Variants in MRE11 observed in about 807,000 individuals in gnomAD.
The protein encoded by MRE11 is double-strand break repair protein MRE11.
A neutral mutation model predicts 91.7 loss-of-function variants in MRE11; 62 were observed. That is an observed-to-expected ratio of 0.68 (90% CI 0.55 to 0.84). MRE11 has a LOEUF of 0.84. Among genes scored for constraint, MRE11 ranks in the 40% least tolerant of loss-of-function variants. MRE11 has a pLI of 0.00. For synonymous variants in MRE11, 273 were observed against 271.4 expected (o/e 1.01, Z -0.06); for missense variants, 796 against 852.9 (o/e 0.93, Z 0.83).
the MRE11 span, among the ~76,000 whole-genome samples, chr11:94,507,688 T>G: frequency 6.6e-6 from 1 of 152,192 alleles, no homozygotes; most frequent in Non-Finnish European, 1.5e-5. Flanking sequence ...CTAGTGGGCA[T>G]GTAGTAATAG....
chr11:94,418,496 T>G lies in MRE11; in HGVS notation c.*1629A>C, dbSNP rs1314342313. 4.3e-6 allele frequency: 1 copy of G among 232,366 alleles called. No homozygotes were observed. The highest frequency in any genetic ancestry group is 2.2e-5 in the African/African-American group (1 of 45,266). The allele number at this position is 232,366 out of a possible 1,614,324, so 14.4% of individuals were successfully genotyped here. Reference sequence around the variant, plus strand: ...CACCCAGACCCACCTAACTGATGCATGAGAAGAGCCACTAGCTGATGTGGC... The same window carrying G: ...CACCCAGACCCACCTAACTGATGCAGGAGAAGAGCCACTAGCTGATGTGGC... On this transcript the variant is annotated 3_prime_UTR_variant, in exon 20 of 20. Transcript: ENST00000323929.
At chr11:94,445,698 T>C in intron 16 of MRE11, 112 bp downstream of exon 16, 1 of 811,982 alleles carries the variant, frequency 1.2e-6, no homozygotes, top group Non-Finnish European at 2.2e-6. Flanking sequence ...GTGATCCTAA[T>C]TGCCCTTATA....
intron 1 of MRE11, among the ~76,000 whole-genome samples, chr11:94,493,206 G>A (rs1485188084): frequency 6.6e-6 from 1 of 152,118 alleles, no homozygotes; most frequent in East Asian, 1.9e-4. Context: ...GTCACATACG[G>A]TTCTGGTTCA....
intron 2 of MRE11, 92 bp downstream of exon 2, chr11:94,492,690 T>C (rs771997999): frequency 5.2e-6 from 8 of 1,541,384 alleles, no homozygotes; most frequent in South Asian, 3.4e-5. Flanking sequence ...CCTTATTTAC[T>C]GCTTATTAAA....
At chr11:94,472,859 T>A (rs965760979) in intron 7 of MRE11, 5 of 152,058 alleles carry the variant, frequency 3.3e-5, no homozygotes, top group African/African-American at 1.2e-4. Context: ...GCATTTCAGA[T>A]AAGGGATACT....
At chr11:94,503,705 AAAAG>A in the MRE11 span, among the ~76,000 whole-genome samples, 26 of 151,996 alleles carry the variant, frequency 1.7e-4, no homozygotes, top group African/African-American at 2.7e-4. Flanking sequence ...CAAAAAAAAA[AAAAG>A]AAAGAAAACG....
At chr11:94,449,953 A>G (rs1312042630) in intron 14 of MRE11, among the ~76,000 whole-genome samples, 4 of 152,176 alleles carry the variant, frequency 2.6e-5, no homozygotes, top group Non-Finnish European at 5.9e-5. Flanking sequence ...CTACATATTT[A>G]TTGCATTTTC....
chr11:94,440,428 T>TTAAAAAAAAAACA (rs1945745713), intron 16 of MRE11, among the ~76,000 whole-genome samples: 1 of 114,632 alleles, frequency 8.7e-6, no homozygotes, highest in South Asian at 3.2e-4. Context: ...ACCTCAAACA[T>TTAAAAAAAAAACA]TTAAAAAAAA....
chr11:94,440,346 G>C (rs1591646452), intron 16 of MRE11, among the ~76,000 whole-genome samples: 2 of 152,046 alleles, frequency 1.3e-5, no homozygotes, highest in Middle Eastern at 3.4e-3. Context: ...GTCATTGCAG[G>C]CTAGGTTATT....
At chr11:94,448,430 A>AC (rs1363962927) in intron 14 of MRE11, among the ~76,000 whole-genome samples, 1 of 151,646 alleles carries the variant, frequency 6.6e-6, no homozygotes, top group Non-Finnish European at 1.5e-5. Flanking sequence ...TACAAAAAAA[A>AC]AACACAAAAG....
At chr11:94,464,319 T>G (rs1591681615) in intron 10 of MRE11, 80 bp from the exon 11 acceptor site, 7 of 1,569,286 alleles carry the variant, frequency 4.5e-6, no homozygotes, top group South Asian at 1.1e-5. Context: ...CCTTCAGTAT[T>G]CACAGTGTTT....
chr11:94,431,437 C>T (rs1484636508), intron 18 of MRE11, among the ~76,000 whole-genome samples: 2 of 152,198 alleles, frequency 1.3e-5, no homozygotes, highest in Non-Finnish European at 2.9e-5. Context: ...ATTAGAAACA[C>T]CAATCTGCCA....
intron 16 of MRE11, among the ~76,000 whole-genome samples, chr11:94,440,408 C>T (rs1353238462): frequency 2.0e-5 from 3 of 149,146 alleles, no homozygotes; most frequent in African/African-American, 5.0e-5. Flanking sequence ...TGACAACAAT[C>T]CAAATTAGTA....
intron 3 of MRE11, among the ~76,000 whole-genome samples, chr11:94,489,400 T>C (rs1285199312): frequency 1.3e-5 from 2 of 152,120 alleles, no homozygotes; most frequent in African/African-American, 4.8e-5. Flanking sequence ...TCGAACCTTG[T>C]AGTTTGAATT....
In MRE11 at chr11:94,441,977, C is replaced by CAA. The variant is rs35673778; in HGVS notation, c.1867+3831_1867+3832dup. Among the ~76,000 whole-genome samples, 417 of 46,060 alleles carry CAA rather than the reference C, an allele frequency of 9.1e-3. 9 individuals are homozygous for CAA. The highest frequency in any genetic ancestry group is 0.019 in the African/African-American group (241 of 12,630). The allele number at this position is 46,060 out of a possible 152,430, so 30.2% of individuals were successfully genotyped here. The stretch of plus-strand genomic sequence containing the variant: ...TAGGCGACAGAGAGAGACTCTGTCT[C>CAA]AAAAAAAAAAAAAAAAAAAAAAAGT... On this transcript the variant is annotated intron_variant, in intron 16 of 19. Transcript: ENST00000323929.
chr11:94,506,879 G>A, the MRE11 span, among the ~76,000 whole-genome samples: 2 of 152,058 alleles, frequency 1.3e-5, no homozygotes, highest in South Asian at 2.1e-4. Flanking sequence ...TGTGAGCCAC[G>A]GTGCCAGCCT....
chr11:94,512,206 A>G, the MRE11 span, among the ~76,000 whole-genome samples: 2 of 152,200 alleles, frequency 1.3e-5, no homozygotes, highest in Non-Finnish European at 2.9e-5. Flanking sequence ...ATGAGGCCTT[A>G]TGCAGTTTCC....
At chr11:94,498,188 G>C, upstream of MRE11, 1 of 1,614,138 alleles carries the variant, frequency 6.2e-7, no homozygotes, top group Non-Finnish European at 8.5e-7. Flanking sequence ...TATTGTTCAG[G>C]AGCTCATTGC....
chr11:94,469,344 G>A (rs896966608), intron 9 of MRE11, among the ~76,000 whole-genome samples: 2 of 152,102 alleles, frequency 1.3e-5, no homozygotes, highest in African/African-American at 4.8e-5. Flanking sequence ...GGAGAATACT[G>A]CTAAACATCC....
Sources: gnomAD v4.1 joint callset for allele counts (sites outside exome capture counted in the v4.1 genomes callset) on GRCh38, gnomAD v4.1.1 for gene constraint, MANE v1.5 for transcripts, NCBI Gene and HGNC (gene_info 2026-07-23, HGNC 2026-07-21) for gene names.